RBM28: variants seen among roughly 807,000 people sequenced by gnomAD.
RBM28 encodes the protein RNA binding motif protein 28.
Under a neutral mutation model 98.3 loss-of-function variants are expected in RBM28, and 78 were observed. The ratio of observed to expected loss-of-function variants is 0.79; its 90% CI spans 0.66 to 0.96. The LOEUF (loss-of-function observed/expected upper bound fraction) is 0.96. Ranked by LOEUF, RBM28 falls within the 40% of genes least tolerant of loss-of-function variation. The probability of loss-of-function intolerance (pLI) is 0.00; values close to 1 mark genes in which losing one functional copy is unlikely to be tolerated. For missense variants in RBM28, 838 were observed against 913.0 expected (o/e 0.92, Z 1.06); for synonymous variants, 306 against 330.9 (o/e 0.92, Z 0.82).
At chr7:128,325,558 C>T (rs1257143248) in intron 11 of RBM28, among the ~76,000 whole-genome samples, 2 of 152,060 alleles carry the variant, frequency 1.3e-5, no homozygotes, top group Non-Finnish European at 2.9e-5. Flanking sequence ...AGACAGCAAG[C>T]AACAAATATC....
intron 18 of RBM28, among the ~76,000 whole-genome samples, chr7:128,312,101 C>T (rs1241288266): frequency 2.0e-5 from 3 of 151,000 alleles, no homozygotes; most frequent in Non-Finnish European, 4.4e-5. Context: ...ACACACACCA[C>T]CTATGAAATA....
intron 17 of RBM28, among the ~76,000 whole-genome samples, 180 bp from the exon 18 acceptor site, chr7:128,313,454 G>GT (rs1236206953): frequency 2.0e-5 from 3 of 152,114 alleles, no homozygotes; most frequent in Non-Finnish European, 4.4e-5. Context: ...GATGCCAGGA[G>GT]TTTGAGACCA....
chr7:128,333,869 G>A (rs1796539346), intron 8 of RBM28, among the ~76,000 whole-genome samples: 1 of 152,110 alleles, frequency 6.6e-6, no homozygotes, highest in Admixed American at 6.6e-5. Context: ...AAAGACTGAT[G>A]GAATCCAATG....
intron 11 of RBM28, among the ~76,000 whole-genome samples, 191 bp downstream of exon 11, chr7:128,325,627 C>G (rs1010775779): frequency 6.6e-6 from 1 of 152,152 alleles, no homozygotes; most frequent in African/African-American, 2.4e-5. Flanking sequence ...TTCTGCCTAC[C>G]TCAAAGGGCT....
chr7:128,326,555 G>T (rs986376781), intron 10 of RBM28, among the ~76,000 whole-genome samples: 6 of 152,126 alleles, frequency 3.9e-5, no homozygotes, highest in African/African-American at 1.2e-4. Flanking sequence ...TGCTGTACAG[G>T]TTTGTAGCCT....
In RBM28 at chr7:128,339,658, G is replaced by C. The variant is rs1796679391; in HGVS notation, c.252C>G (p.Asn84Lys). 11 of 1,613,800 alleles carry C rather than the reference G, an allele frequency of 6.8e-6. No homozygotes were observed. Among genetic ancestry groups the C allele is most frequent in the Non-Finnish European group, 9.3e-6 (11 of 1,179,972 alleles). ...NVTVAKKKLR[N>K]KTKEKGKNEN... ...CATTTTTCCCCTTTTCCTTTGTCTT[G>C]TTCCTCAGTTTTTTCTTGGCAACAG... The change falls in exon 2 of 19, where the codon AAC (asparagine) becomes AAG (lysine). Residue 84 changes from asparagine (N) to lysine (K), a missense_variant. By Grantham distance (94) the Asn-to-Lys change is moderately conservative. Coordinates refer to ENST00000223073, the MANE Select transcript of RBM28 (RefSeq NM_018077.3).
At position 128,315,939 on chromosome 7, in the gene RBM28, C is replaced by T. The variant is rs375137079; in HGVS notation, c.1789-919G>A. 7.2e-5 allele frequency among the ~76,000 whole-genome samples: 11 copies of T among 152,042 alleles called. No individual in the cohort carries two copies. In the East Asian group the frequency reaches 7.7e-4, roughly 11 times the overall value. ...AGGAATGGAATAAATGAAGTAAAGA[C>T]GACAAGAAAAAGATGCTGTGGGAAG... is the stretch of plus-strand genomic sequence containing the variant. On this transcript the variant is annotated intron_variant, in intron 16 of 18. Coordinates refer to ENST00000223073, the MANE Select transcript of RBM28 (RefSeq NM_018077.3).
Position 128,330,867 on chromosome 7 carries a change from G to A in RBM28, c.1081C>T (p.Leu361Phe), listed in dbSNP as rs765212570. Residue 361 changes from leucine (L) to phenylalanine (F), a missense_variant, in exon 10 of 19, where the codon CTC (leucine) becomes TTC (phenylalanine). By Grantham distance (22) the Leu-to-Phe change is conservative. Coordinates refer to ENST00000223073, the MANE Select transcript of RBM28 (RefSeq NM_018077.3). ...LGELLQQFGELKYVRIVLHPD... is the reference protein window; with the variant it reads ...LGELLQQFGEFKYVRIVLHPD... ...TGCAAGACAATGCGGACATATTTGA[G>A]TTCTCCAAACTGTTGGAGAAGCTCC... 2.9e-5 allele frequency: 47 copies of A among 1,614,006 alleles called. 1 individual carries two copies. The South Asian group carries it at 4.8e-4, about 17-fold the overall frequency.
In RBM28 at chr7:128,305,106, C is replaced by G. The variant is rs1795839506; in HGVS notation, c.*5691G>C. The G allele has an allele frequency of 6.7e-6, 1 of 149,402 alleles. No homozygotes were observed. The highest frequency in any genetic ancestry group is 6.8e-5 in the Admixed American group (1 of 14,782). 9.3% of individuals were successfully genotyped at this position (149,402 alleles called of 1,614,324 possible). On this transcript the variant is annotated 3_prime_UTR_variant, in exon 19 of 19. Transcript: ENST00000223073. ...CCTGGGGGGTGGAGGTTGCAGTGAG[C>G]TGAGATCATGCCACTGCACTCCAGC... is the stretch of plus-strand genomic sequence containing the variant.
intron 10 of RBM28, among the ~76,000 whole-genome samples, chr7:128,328,349 A>T (rs1442161793): frequency 6.6e-6 from 1 of 152,214 alleles, no homozygotes; most frequent in Non-Finnish European, 1.5e-5. Context: ...TTCCAGAGTC[A>T]GTACTGGGTT....
chr7:128,311,041 C>T, intron 18 of RBM28, 110 bp from the exon 19 acceptor site: 2 of 1,099,620 alleles, frequency 1.8e-6, no homozygotes, highest in East Asian at 2.4e-5. Context: ...ATCATATCTA[C>T]CAGAAAGGGG....
At position 128,336,016 on chromosome 7, in the gene RBM28, G is replaced by A; in HGVS notation, c.640C>T (p.His214Tyr). ...IGEEKSHESK[H>Y]QESVKKKGRE... ...CCCTTCTTTTTAACTGATTCCTGAT[G>A]TTTAGATTCATGGCTCTTTTCCTCA... is the stretch of plus-strand genomic sequence containing the variant. The change falls in exon 7 of 19, where the codon CAT becomes TAT. Residue 214 changes from histidine to tyrosine, a missense_variant. Physicochemically the swap from His to Tyr is moderately conservative, Grantham distance 83. Transcript: ENST00000223073. The A allele has an allele frequency of 1.9e-6, 3 of 1,611,318 alleles. No individual in the cohort carries two copies. The highest frequency in any genetic ancestry group is 2.5e-6 in the Non-Finnish European group (3 of 1,178,834).
In RBM28 at chr7:128,305,218, G is replaced by A. The variant is rs1795842941; in HGVS notation, c.*5579C>T. 6.6e-6 allele frequency: 1 copy of A among 150,408 alleles called. No homozygotes were observed. The highest frequency in any genetic ancestry group is 6.6e-5 in the Admixed American group (1 of 15,100). 9.3% of individuals were successfully genotyped at this position (150,408 alleles called of 1,614,324 possible). ...CAATCCTGTTGTCTCACTGTAAATA[G>A]CATAAGAACAATGTTCTGGCCCCTC... On this transcript the variant is annotated 3_prime_UTR_variant, in exon 19 of 19. Coordinates refer to ENST00000223073, the MANE Select transcript of RBM28 (RefSeq NM_018077.3).
chr7:128,310,583 T>C lies in RBM28; in HGVS notation c.*214A>G, dbSNP rs541844531. ...TGGATAATATGCAAGAAGCATCATG[T>C]TGACTTTCAGATATTTCTCTTTGTG... is the stretch of plus-strand genomic sequence containing the variant. On this transcript the variant is annotated 3_prime_UTR_variant, in exon 19 of 19. Coordinates refer to ENST00000223073, the MANE Select transcript of RBM28 (RefSeq NM_018077.3). The C allele has an allele frequency of 2.7e-4, 162 of 601,720 alleles. 1 individual carries two copies. Among genetic ancestry groups the C allele is most frequent in the South Asian group, 2.6e-3 (127 of 49,684 alleles). 37.3% of individuals were successfully genotyped at this position (601,720 alleles called of 1,614,324 possible).
In RBM28 at chr7:128,320,455, C is replaced by T. The variant is rs370809959; in HGVS notation, c.1563+811G>A. Among the ~76,000 whole-genome samples, 7 of 150,516 alleles carry T rather than the reference C, an allele frequency of 4.7e-5. No individual in the cohort carries two copies. The East Asian group carries it at 7.8e-4, about 17-fold the overall frequency. ...AAAGAAAAAAAAGAAAAGAGAAATA[C>T]GCAAAGGGGAATGTGGAGGCAGAAA... On this transcript the variant is annotated intron_variant, in intron 14 of 18. Coordinates refer to ENST00000223073, the MANE Select transcript of RBM28 (RefSeq NM_018077.3).
At position 128,317,641 on chromosome 7, in the gene RBM28, A is replaced by G. The variant is rs536813784; in HGVS notation, c.1788+18T>C. The G allele has an allele frequency of 2.0e-4, 303 of 1,547,572 alleles. 4 individuals carry two copies. In the South Asian group the frequency reaches 3.2e-3, roughly 17 times the overall value. The stretch of plus-strand genomic sequence containing the variant: ...AGAGTTTATGTCCTTAAAAATATGG[A>G]CCATTTAATTTCTGTACCAAGCTGC... On this transcript the variant is annotated intron_variant, in intron 16 of 18. Coordinates refer to ENST00000223073, the MANE Select transcript of RBM28 (RefSeq NM_018077.3).
chr7:128,310,975 G>A, intron 18 of RBM28, 44 bp from the exon 19 acceptor site: 2 of 1,586,770 alleles, frequency 1.3e-6, no homozygotes. Flanking sequence ...CAATTTCAAA[G>A]ACTATATATC....
intron 10 of RBM28, among the ~76,000 whole-genome samples, chr7:128,326,355 G>A (rs1042510024): frequency 6.6e-6 from 1 of 151,290 alleles, no homozygotes; most frequent in Admixed American, 6.6e-5. Context: ...GGACGTTTTG[G>A]TCAGTGACAG....
rs764543656 is a variant in RBM28, at chr7:128,317,995, G to C, written c.1675C>G (p.Leu559Val). The C allele has an allele frequency of 6.2e-7, 1 of 1,614,208 alleles. No homozygotes were observed. The highest frequency in any genetic ancestry group is 8.5e-7 in the Non-Finnish European group (1 of 1,180,040). Residue 559 changes from leucine to valine, a missense_variant, in exon 15 of 19, where the codon CTC becomes GTC. Leu to Val is a conservative substitution (Grantham distance 32). Coordinates refer to ENST00000223073, the MANE Select transcript of RBM28 (RefSeq NM_018077.3). ...EHEHALKALR[L>V]INNNPEIFGP... is the part of the protein sequence containing the mutation. ...AAGATTTCTGGATTGTTGTTGATGA[G>C]GCGGAGGGCTTTCAGGGCATGCTCG...
Sources: allele counts gnomAD v4.1 joint callset (sites outside exome capture counted in the v4.1 genomes callset), GRCh38; gene constraint gnomAD v4.1.1; transcripts MANE v1.5; gene names NCBI Gene and HGNC (gene_info 2026-07-23, HGNC 2026-07-21).